Variants in DENND1B observed in about 807,000 individuals in gnomAD.
DENND1B encodes the protein DENN domain-containing protein 1B.
In DENND1B, 59 loss-of-function variants were observed where a neutral mutation model predicts 90.1. That is an observed-to-expected ratio of 0.65 (90% CI 0.53 to 0.81). The LOEUF is 0.81. Among genes scored for constraint, DENND1B ranks in the 40% least tolerant of loss-of-function variants. The probability of loss-of-function intolerance (pLI) is 0.00; values close to 1 mark genes in which losing one functional copy is unlikely to be tolerated. For synonymous variants in DENND1B, 337 were observed against 324.6 expected, an observed-to-expected ratio of 1.04 and a Z score of -0.41; for missense variants, 862 against 912.6, an observed-to-expected ratio of 0.94 and a Z score of 0.71.
intron 3 of DENND1B, among the ~76,000 whole-genome samples, chr1:197,696,251 C>T (rs897976486): frequency 2.6e-5 from 4 of 151,430 alleles, no homozygotes; most frequent in Non-Finnish European, 5.9e-5. Context: ...ATAATTTTTA[C>T]TACTATTCAT....
At chr1:197,554,823 ACT>A (rs1553285197) in intron 15 of DENND1B, among the ~76,000 whole-genome samples, 1 of 87,306 alleles carries the variant, frequency 1.1e-5, no homozygotes. Flanking sequence ...GCCTGGCAAG[ACT>A]CCATCTCAAA....
At chr1:197,771,824 T>G (rs188959103) in intron 2 of DENND1B, among the ~76,000 whole-genome samples, 1 of 152,286 alleles carries the variant, frequency 6.6e-6, no homozygotes, top group African/African-American at 2.4e-5. Context: ...ATACTTTAAG[T>G]ATCTAGAAAG....
Position 197,529,932 on chromosome 1 carries a change from C to T in DENND1B, c.1515+10032G>A, listed in dbSNP as rs183128455. ...AATAAAACCAGAGAAGGATCCTTTC[C>T]CTGGAGTCCTGTTAGGCTGGGGCTG... On this transcript the variant is annotated intron_variant, in intron 20 of 22. Coordinates refer to ENST00000620048, the MANE Select transcript of DENND1B (RefSeq NM_001195215.2). 2.7e-3 allele frequency among the ~76,000 whole-genome samples: 418 copies of T among 152,210 alleles called. 2 individuals carry two copies. Among genetic ancestry groups the T allele is most frequent in the Non-Finnish European group, 4.8e-3 (328 of 68,006 alleles).
chr1:197,583,331 A>T, intron 14 of DENND1B, 78 bp from the exon 15 acceptor site: 1 of 1,349,790 alleles, frequency 7.4e-7, no homozygotes, highest in Non-Finnish European at 1.1e-6. Context: ...TAGGTATGTG[A>T]AGAGTGATAG....
rs767409025 is a variant in DENND1B, at chr1:197,506,133, AG to A, written c.*4326del. 5.9e-5 allele frequency: 9 copies of A among 151,806 alleles called. No individual in the cohort carries two copies. The South Asian group carries it at 6.2e-4, about 10-fold the overall frequency. 9.4% of individuals were successfully genotyped at this position (151,806 alleles called of 1,614,324 possible). ...TCAAATACTGAAAAACATGACCTTA[AG>A]GCATCTGCCAGAAAAACAGATGTAC... On this transcript the variant is annotated 3_prime_UTR_variant, in exon 23 of 23. Transcript: ENST00000620048.
intron 3 of DENND1B, among the ~76,000 whole-genome samples, chr1:197,680,941 T>A (rs1656622978): frequency 6.6e-6 from 1 of 152,116 alleles, no homozygotes; most frequent in Non-Finnish European, 1.5e-5. Flanking sequence ...TATAAAATGA[T>A]TAGGATAATA....
chr1:197,664,686 T>C (rs562247934), intron 5 of DENND1B, among the ~76,000 whole-genome samples: 41 of 152,116 alleles, frequency 2.7e-4, no homozygotes, highest in Non-Finnish European at 4.9e-4. Context: ...CTTATAGTAA[T>C]CAAATAAAAC....
At chr1:197,536,293 A>C (rs959730160) in intron 20 of DENND1B, among the ~76,000 whole-genome samples, 5 of 152,164 alleles carry the variant, frequency 3.3e-5, no homozygotes, top group African/African-American at 1.2e-4. Flanking sequence ...CTGCAATTAG[A>C]TGTCCTAAAG....
chr1:197,510,700 A>C lies in DENND1B; in HGVS notation c.2088T>G (p.Thr696=). The change falls in exon 23 of 23, where the codon ACT becomes ACG. Residue 696 remains threonine (T), a synonymous_variant. Transcript: ENST00000620048. ...CCCTCTTTTCTGTTTTTCCTTTATC[A>C]GTCTGGGAAACTTCAGGGGAAGTGA... ...FQLTSPEVSQ[T]DKGKTEKRET... The C allele has an allele frequency of 6.2e-7, 1 of 1,612,722 alleles. No homozygotes were observed. Among genetic ancestry groups the C allele is most frequent in the Non-Finnish European group, 8.5e-7 (1 of 1,179,192 alleles).
chr1:197,754,293 A>G (rs1172081743), intron 2 of DENND1B, among the ~76,000 whole-genome samples: 1 of 152,212 alleles, frequency 6.6e-6, no homozygotes, highest in Non-Finnish European at 1.5e-5. Flanking sequence ...AAAGTCCAAC[A>G]ATGATACTCA....
chr1:197,518,280 T>A (rs2125606513), intron 20 of DENND1B, among the ~76,000 whole-genome samples: 1 of 152,066 alleles, frequency 6.6e-6, no homozygotes, highest in South Asian at 2.1e-4. Flanking sequence ...TTCAACTATC[T>A]TGCCAGGATA....
intron 15 of DENND1B, among the ~76,000 whole-genome samples, chr1:197,577,987 T>G: frequency 6.6e-6 from 1 of 152,310 alleles, no homozygotes; most frequent in Admixed American, 6.5e-5. Context: ...ATATATGTTT[T>G]AACACAATAC....
intron 2 of DENND1B, among the ~76,000 whole-genome samples, chr1:197,737,857 T>C (rs1571561947): frequency 6.6e-6 from 1 of 152,208 alleles, no homozygotes; most frequent in South Asian, 2.1e-4. Context: ...TTTAGTCTGG[T>C]AGAACTGTGT....
chr1:197,734,526 C>T, intron 2 of DENND1B: 8 of 973,766 alleles, frequency 8.2e-6, no homozygotes, highest in Non-Finnish European at 9.8e-6. Context: ...AAAAGGAATA[C>T]ACAAAAATAG....
Position 197,676,082 on chromosome 1 carries a change from C to CAA in DENND1B, c.127-1915_127-1914dup, listed in dbSNP as rs3046951. Among the ~76,000 whole-genome samples, 3 of 114,928 alleles carry CAA rather than the reference C, an allele frequency of 2.6e-5. 1 individual carries two copies. The highest frequency in any genetic ancestry group is 3.6e-5 in the African/African-American group (1 of 27,880). 75.4% of individuals were successfully genotyped at this position (114,928 alleles called of 152,430 possible). On this transcript the variant is annotated intron_variant, in intron 3 of 22. Transcript: ENST00000620048. The stretch of plus-strand genomic sequence containing the variant: ...TAGACTAGTGTATAAACAGTATAGA[C>CAA]AAAAAAAAAAAAAAATCCTCTCTCA...
intron 16 of DENND1B, among the ~76,000 whole-genome samples, chr1:197,550,578 C>A (rs113508592): frequency 0.018 from 2,767 of 151,782 alleles, 89 homozygotes; most frequent in African/African-American, 0.063. Flanking sequence ...AACCAAACAC[C>A]ACATGTTCTC....
At chr1:197,513,180 A>T (rs1310120720) in intron 20 of DENND1B, among the ~76,000 whole-genome samples, 1 of 151,624 alleles carries the variant, frequency 6.6e-6, no homozygotes, top group East Asian at 1.9e-4. Flanking sequence ...ATAAAAAAAA[A>T]AAAAACCCAA....
chr1:197,635,693 A>G (rs1679723414), intron 10 of DENND1B, among the ~76,000 whole-genome samples: 1 of 152,150 alleles, frequency 6.6e-6, no homozygotes, highest in African/African-American at 2.4e-5. Flanking sequence ...CATATTCACT[A>G]ATATTTAAAA....
chr1:197,591,729 T>C (rs1464918394), intron 14 of DENND1B, among the ~76,000 whole-genome samples: 1 of 152,214 alleles, frequency 6.6e-6, no homozygotes, highest in Non-Finnish European at 1.5e-5. Context: ...AGATTTTGTA[T>C]TCAGTTTGGT....
Sources: allele counts gnomAD v4.1 joint callset (sites outside exome capture counted in the v4.1 genomes callset), GRCh38; gene constraint gnomAD v4.1.1; transcripts MANE v1.5; gene names NCBI Gene and HGNC (gene_info 2026-07-23, HGNC 2026-07-21).